Variants in PTGFR observed in about 807,000 individuals in gnomAD.
PTGFR encodes prostaglandin F receptor.
Under a neutral mutation model 26.2 loss-of-function variants are expected in PTGFR, and 15 were observed. That is an observed-to-expected ratio of 0.57 (90% CI 0.38 to 0.88). PTGFR has a LOEUF of 0.88. Ranked by LOEUF, PTGFR falls within the 40% of genes least tolerant of loss-of-function variation. PTGFR has a pLI of 0.00. For missense variants in PTGFR, 369 were observed against 427.2 expected, an observed-to-expected ratio of 0.86 and a Z score of 1.20; for synonymous variants, 165 against 151.1, an observed-to-expected ratio of 1.09 and a Z score of -0.68.
chr1:78,532,711 G>C (rs1053615976), intron 2 of PTGFR, among the ~76,000 whole-genome samples: 1 of 151,470 alleles, frequency 6.6e-6, no homozygotes, highest in African/African-American at 2.4e-5. Flanking sequence ...GGGACTACAG[G>C]CATGTGTCAC....
chr1:78,504,037 G>A (rs1023426849), intron 2 of PTGFR, among the ~76,000 whole-genome samples: 6 of 152,178 alleles, frequency 3.9e-5, no homozygotes, highest in African/African-American at 1.4e-4. Flanking sequence ...GTATGAGGGT[G>A]AAGAGAGGCA....
intron 2 of PTGFR, among the ~76,000 whole-genome samples, chr1:78,528,294 C>CAAAAAAAAAAAAAAA (rs35137595): frequency 5.0e-5 from 1 of 20,118 alleles, no homozygotes; most frequent in Non-Finnish European, 1.0e-4. Context: ...AGAAAGTTAG[C>CAAAAAAAAAAAAAAA]AAAAAAAAAA....
At chr1:78,529,425 T>G (rs1650453143) in intron 2 of PTGFR, among the ~76,000 whole-genome samples, 1 of 152,164 alleles carries the variant, frequency 6.6e-6, no homozygotes, top group South Asian at 2.1e-4. Context: ...TTACCAATAT[T>G]TGGAGCATAA....
Position 78,492,686 on chromosome 1 carries a change from A to G in PTGFR, c.-58A>G. On this transcript the variant is annotated 5_prime_UTR_variant, in exon 2 of 3. Transcript: ENST00000370757. ...TTATCCTACAGATGTCTGGACTGCA[A>G]TCCTGCACAGTTTTGAGAGGGAGAT... is the stretch of plus-strand genomic sequence containing the variant. The G allele has an allele frequency of 1.3e-6, 2 of 1,504,196 alleles. No homozygotes were observed. The highest frequency in any genetic ancestry group is 2.6e-5 in the South Asian group (2 of 78,284). 93.2% of individuals were successfully genotyped at this position (1,504,196 alleles called of 1,614,324 possible).
In PTGFR at chr1:78,500,250, A is replaced by C. The variant is rs374123845; in HGVS notation, c.798+6709A>C. ...TTACCAGCTGATTAAATGAATGTAT[A>C]TGCTTTAACCTGTACTGCTATCAGA... On this transcript the variant is annotated intron_variant, in intron 2 of 2. Transcript: ENST00000370757. Among the ~76,000 whole-genome samples the C allele has an allele frequency of 5.9e-5, 9 of 152,310 alleles. No individual in the cohort carries two copies. The East Asian group carries it at 1.4e-3, about 23-fold the overall frequency.
In PTGFR at chr1:78,498,224, T is replaced by G. The variant is rs1296496404; in HGVS notation, c.798+4683T>G. Reference sequence around the variant, plus strand: ...ATTTTGACTATTAGTGAAGATTATTTTCTTTGAAAGGCTGACCCCCATCAT... The same window carrying G: ...ATTTTGACTATTAGTGAAGATTATTGTCTTTGAAAGGCTGACCCCCATCAT... On this transcript the variant is annotated intron_variant, in intron 2 of 2. Coordinates refer to ENST00000370757, the MANE Select transcript of PTGFR (RefSeq NM_000959.4). 3.3e-5 allele frequency among the ~76,000 whole-genome samples: 5 copies of G among 152,188 alleles called. No homozygotes were observed. The East Asian group carries it at 9.6e-4, about 29-fold the overall frequency.
In PTGFR at chr1:78,539,970, A is replaced by G. The variant is rs915278707; in HGVS notation, c.*3283A>G. Among the ~76,000 whole-genome samples the G allele has an allele frequency of 5.9e-5, 9 of 152,076 alleles. No individual in the cohort carries two copies. The highest frequency in any genetic ancestry group is 1.3e-4 in the Non-Finnish European group (9 of 67,990). Reference sequence around the variant, plus strand: ...ATTTAGATAGAAATCTGATTTCCCAAACCTCCAGGTTTAGATATATCATTC... The same window carrying G: ...ATTTAGATAGAAATCTGATTTCCCAGACCTCCAGGTTTAGATATATCATTC... On this transcript the variant is annotated 3_prime_UTR_variant, in exon 3 of 3. Coordinates refer to ENST00000370757, the MANE Select transcript of PTGFR (RefSeq NM_000959.4).
chr1:78,502,592 A>G (rs144607942), intron 2 of PTGFR, among the ~76,000 whole-genome samples: 1 of 152,272 alleles, frequency 6.6e-6, no homozygotes, highest in Non-Finnish European at 1.5e-5. Flanking sequence ...TGCTGTTACT[A>G]TTAAATAATA....
At position 78,493,034 on chromosome 1, in the gene PTGFR, A is replaced by G; in HGVS notation, c.291A>G (p.Glu97=). ...TATTTGTATATGCTTCTGATAAAGA[A>G]TGGATCCGCTTTGACCAATCAAATG... ...IAVFVYASDK[E]WIRFDQSNVL... is the part of the protein sequence containing the mutation. The change falls in exon 2 of 3, where the codon GAA becomes GAG. Residue 97 remains glutamate (E), a synonymous_variant. Coordinates refer to ENST00000370757, the MANE Select transcript of PTGFR (RefSeq NM_000959.4). 6.2e-7 allele frequency: 1 copy of G among 1,614,258 alleles called. No homozygotes were observed. Among genetic ancestry groups the G allele is most frequent in the Non-Finnish European group, 8.5e-7 (1 of 1,180,050 alleles).
At chr1:78,498,801 T>A (rs549855215) in intron 2 of PTGFR, among the ~76,000 whole-genome samples, 1 of 152,230 alleles carries the variant, frequency 6.6e-6, no homozygotes, top group Non-Finnish European at 1.5e-5. Context: ...GGATTTCTGC[T>A]GATTTCAGAG....
At chr1:78,517,262 T>C (rs1438863442) in intron 2 of PTGFR, among the ~76,000 whole-genome samples, 2 of 152,172 alleles carry the variant, frequency 1.3e-5, no homozygotes, top group Non-Finnish European at 2.9e-5. Flanking sequence ...TGTAAGATAC[T>C]GTTCTAGATG....
chr1:78,529,511 A>G (rs1301997527), intron 2 of PTGFR, among the ~76,000 whole-genome samples: 1 of 152,184 alleles, frequency 6.6e-6, no homozygotes, highest in Non-Finnish European at 1.5e-5. Context: ...TTGAAGTAAA[A>G]TGCCTCAAAT....
At chr1:78,535,293 A>C (rs1269847996) in intron 2 of PTGFR, among the ~76,000 whole-genome samples, 3 of 152,100 alleles carry the variant, frequency 2.0e-5, no homozygotes, top group African/African-American at 7.2e-5. Flanking sequence ...AGGGGAGATG[A>C]GAGAGATGAG....
At chr1:78,491,817 G>A (rs572357814) in intron 1 of PTGFR, among the ~76,000 whole-genome samples, 1 of 152,166 alleles carries the variant, frequency 6.6e-6, no homozygotes, top group African/African-American at 2.4e-5. Context: ...CTAGCTGCTC[G>A]GGAAACGCCA....
At position 78,498,092 on chromosome 1, in the gene PTGFR, G is replaced by T. The variant is rs1030901351; in HGVS notation, c.798+4551G>T. Reference sequence around the variant, plus strand: ...TTTGTTAGATATAGATCAAAGAACTGGGTGGCTAATTGAACTTTGACTGAA... The same window carrying T: ...TTTGTTAGATATAGATCAAAGAACTTGGTGGCTAATTGAACTTTGACTGAA... On this transcript the variant is annotated intron_variant, in intron 2 of 2. Transcript: ENST00000370757. The T allele has an allele frequency of 3.1e-5, 19 of 608,552 alleles. No individual in the cohort carries two copies. In the Admixed American group the frequency reaches 5.5e-4, roughly 18 times the overall value. 37.7% of individuals were successfully genotyped at this position (608,552 alleles called of 1,614,324 possible).
At chr1:78,518,539 C>T (rs1650146038) in intron 2 of PTGFR, among the ~76,000 whole-genome samples, 1 of 150,242 alleles carries the variant, frequency 6.7e-6, no homozygotes, top group South Asian at 2.1e-4. Flanking sequence ...GGTTCCACCA[C>T]TGCAGCATTT....
At chr1:78,504,916 A>G (rs1247529389) in intron 2 of PTGFR, among the ~76,000 whole-genome samples, 1 of 152,068 alleles carries the variant, frequency 6.6e-6, no homozygotes, top group Non-Finnish European at 1.5e-5. Flanking sequence ...TTTATGTACA[A>G]TTAGTATTAG....
Position 78,537,836 on chromosome 1 carries a change from C to A in PTGFR, c.*1149C>A, listed in dbSNP as rs372637879. On this transcript the variant is annotated 3_prime_UTR_variant, in exon 3 of 3. Coordinates refer to ENST00000370757, the MANE Select transcript of PTGFR (RefSeq NM_000959.4). ...AACTAGGAGATCAAGAGATAATAAT[C>A]TCTCCCCAAATTTTCCAATAATAAT... is the stretch of plus-strand genomic sequence containing the variant. The A allele has an allele frequency of 1.3e-4, 20 of 152,068 alleles. 1 individual carries two copies. The East Asian group carries it at 2.1e-3, about 16-fold the overall frequency. The allele number at this position is 152,068 out of a possible 1,614,324, so 9.4% of individuals were successfully genotyped here.
At chr1:78,516,903 C>T (rs1450120429) in intron 2 of PTGFR, among the ~76,000 whole-genome samples, 1 of 152,056 alleles carries the variant, frequency 6.6e-6, no homozygotes, top group Non-Finnish European at 1.5e-5. Flanking sequence ...GGAGCCAGTT[C>T]CAGAATGTTG....
Sources: gnomAD v4.1 joint callset for allele counts (sites outside exome capture counted in the v4.1 genomes callset) on GRCh38, gnomAD v4.1.1 for gene constraint, MANE v1.5 for transcripts, NCBI Gene and HGNC (gene_info 2026-07-23, HGNC 2026-07-21) for gene names.